Variants in APC observed in about 807,000 individuals in gnomAD.
APC encodes adenomatous polyposis coli protein.
A neutral mutation model predicts 247.0 loss-of-function variants in APC; 72 were observed. The ratio of observed to expected loss-of-function variants is 0.29; its 90% CI spans 0.24 to 0.35. The LOEUF (loss-of-function observed/expected upper bound fraction) is 0.35, where lower values mean the gene tolerates loss of function less well. Ranked by LOEUF, APC falls within the 10% of genes least tolerant of loss-of-function variation. APC has a pLI of 1.00. For missense variants in APC, 3,400 were observed against 3,360.7 expected, an observed-to-expected ratio of 1.01 and a Z score of -0.29; for synonymous variants, 1,254 against 1,162.5, an observed-to-expected ratio of 1.08 and a Z score of -1.60.
intron 14 of APC, among the ~76,000 whole-genome samples, chr5:112,834,310 C>T (rs551045837): frequency 3.4e-5 from 5 of 146,528 alleles, no homozygotes; most frequent in Admixed American, 1.4e-4. Context: ...GTTGCAGTCT[C>T]GGCTCACTGC....
chr5:112,820,897 A>G (rs145818531), intron 10 of APC, among the ~76,000 whole-genome samples: 78 of 152,174 alleles, frequency 5.1e-4, no homozygotes, highest in African/African-American at 1.7e-3. Flanking sequence ...GGTCTCACAC[A>G]AGCGCCCAGA....
intron 15 of APC, among the ~76,000 whole-genome samples, chr5:112,836,668 T>C (rs1164750712): frequency 6.6e-6 from 1 of 152,198 alleles, no homozygotes; most frequent in Non-Finnish European, 1.5e-5. Flanking sequence ...TTTTTAAAAA[T>C]AATAAGCACA....
chr5:112,803,820 C>G (rs1761089015), intron 8 of APC, among the ~76,000 whole-genome samples: 1 of 152,076 alleles, frequency 6.6e-6, no homozygotes, highest in Non-Finnish European at 1.5e-5. Context: ...TAATTTTTAG[C>G]CTTCAATTGT....
In APC at chr5:112,759,356, C is replaced by CTT. The variant is rs887438895; in HGVS notation, c.135+4350_135+4351dup. Among the ~76,000 whole-genome samples, 436 of 122,312 alleles carry CTT rather than the reference C, an allele frequency of 3.6e-3. 4 individuals are homozygous for CTT. The highest frequency in any genetic ancestry group is 7.5e-3 in the African/African-American group (229 of 30,706). The allele number at this position is 122,312 out of a possible 152,430, so 80.2% of individuals were successfully genotyped here. On this transcript the variant is annotated intron_variant, in intron 2 of 15. Coordinates refer to ENST00000257430, the MANE Select transcript of APC (RefSeq NM_000038.6). ...AATAATTTTCTTTCTTTCTTTCTTTCTTTTTTTTTTTTTTTTTTTTGAGAC... is the reference window on the plus strand; with the variant it reads ...AATAATTTTCTTTCTTTCTTTCTTTCTTTTTTTTTTTTTTTTTTTTTTGAGAC...
rs906047382 is a variant in APC, at chr5:112,845,500, G to A, written c.*1374G>A. 4.3e-6 allele frequency: 1 copy of A among 233,104 alleles called. No homozygotes were observed. Among genetic ancestry groups the A allele is most frequent in the Non-Finnish European group, 8.5e-6 (1 of 117,770 alleles). The allele number at this position is 233,104 out of a possible 1,614,324, so 14.4% of individuals were successfully genotyped here. Reference sequence around the variant, plus strand: ...ACTTTTTATCACCCTGTATGTTAGGGCAAGATCTCAGCAGTGAAGTATAAT... The same window carrying A: ...ACTTTTTATCACCCTGTATGTTAGGACAAGATCTCAGCAGTGAAGTATAAT... On this transcript the variant is annotated 3_prime_UTR_variant, in exon 16 of 16. Transcript: ENST00000257430.
In APC at chr5:112,840,817, C is replaced by T. The variant is rs2149935083; in HGVS notation, c.5223C>T (p.Phe1741=). 6.2e-7 allele frequency: 1 copy of T among 1,614,100 alleles called. No homozygotes were observed. Among genetic ancestry groups the T allele is most frequent in the Non-Finnish European group, 8.5e-7 (1 of 1,179,996 alleles). ...CCAAAGGGAAAAGTCACAAGCCTTT[C>T]CGTGTGAAAAAGATAATGGACCAGG... ...AMPKGKSHKP[F]RVKKIMDQVQ... Residue 1741 remains phenylalanine (F), a synonymous_variant, in exon 16 of 16, where the codon TTC becomes TTT. Coordinates refer to ENST00000257430, the MANE Select transcript of APC (RefSeq NM_000038.6). The surrounding 1 kb of genome is among the most constrained non-coding windows in gnomAD (Gnocchi z 4.1).
At chr5:112,808,781 A>G (rs890677361) in intron 8 of APC, among the ~76,000 whole-genome samples, 4 of 152,082 alleles carry the variant, frequency 2.6e-5, no homozygotes. Context: ...ATACTTCAAC[A>G]TGTTTCTTTA....
chr5:112,747,412 G>A (rs1484596365), intron 1 of APC, among the ~76,000 whole-genome samples: 1 of 152,136 alleles, frequency 6.6e-6, no homozygotes, highest in Non-Finnish European at 1.5e-5. Context: ...AAAAGAAATG[G>A]TTTGTTTAAT....
chr5:112,769,964 G>T (rs1004073177), intron 4 of APC, among the ~76,000 whole-genome samples: 1 of 152,038 alleles, frequency 6.6e-6, no homozygotes, highest in African/African-American at 2.4e-5. Flanking sequence ...AGTGAACTTG[G>T]GTCCATAATC....
rs373428732 is a variant in APC, at chr5:112,838,221, G to C, written c.2627G>C (p.Arg876Pro). ...ATENPGTSSK[R>P]GLQISTTAAQ... ...GAAAATCCAGGAACTTCTTCAAAGC[G>C]AGGTTTGCAGATCTCCACCACTGCA... The change falls in exon 16 of 16, where the codon CGA (arginine) becomes CCA (proline). Residue 876 changes from arginine to proline, a missense_variant. Coordinates refer to ENST00000257430, the MANE Select transcript of APC (RefSeq NM_000038.6). 3 of 1,614,100 alleles carry C rather than the reference G, an allele frequency of 1.9e-6. No individual in the cohort carries two copies. Among genetic ancestry groups the C allele is most frequent in the Non-Finnish European group, 2.5e-6 (3 of 1,180,016 alleles).
intron 1 of APC, among the ~76,000 whole-genome samples, chr5:112,754,143 T>G (rs536170101): frequency 2.0e-4 from 30 of 152,346 alleles, no homozygotes; most frequent in Non-Finnish European, 3.4e-4. Context: ...TTTAGGTATC[T>G]TTTGGCCTCA....
rs892529686 is a variant in APC, at chr5:112,845,589, T to C, written c.*1463T>C. ...AACTTTAGAGGTAGATTTAATACGA[T>C]TAAGATATTCAGAAGTATATTTTAG... On this transcript the variant is annotated 3_prime_UTR_variant, in exon 16 of 16. Coordinates refer to ENST00000257430, the MANE Select transcript of APC (RefSeq NM_000038.6). The C allele has an allele frequency of 8.6e-6, 2 of 232,630 alleles. No homozygotes were observed. The highest frequency in any genetic ancestry group is 8.5e-6 in the Non-Finnish European group (1 of 117,546). The allele number at this position is 232,630 out of a possible 1,614,324, so 14.4% of individuals were successfully genotyped here.
In APC at chr5:112,841,684, T is replaced by C. The variant is rs786203943; in HGVS notation, c.6090T>C (p.Leu2030=). Residue 2030 remains leucine (L), a synonymous_variant, in exon 16 of 16, where the codon CTT becomes CTC. Coordinates refer to ENST00000257430, the MANE Select transcript of APC (RefSeq NM_000038.6). The surrounding 1 kb of genome is among the most constrained non-coding windows in gnomAD (Gnocchi z 4.6). ...CFSRNSSLSS[L]SIDSEDDLLQ... ...CAAGAAACAGTTCTCTCAGTTCTCT[T>C]AGTATTGACTCTGAAGATGACCTGT... 2.5e-6 allele frequency: 4 copies of C among 1,613,768 alleles called. No individual in the cohort carries two copies. The highest frequency in any genetic ancestry group is 1.3e-5 in the African/African-American group (1 of 74,906).
At position 112,792,491 on chromosome 5, in the gene APC, A is replaced by G. The variant is rs2149684491; in HGVS notation, c.691A>G (p.Ile231Val). ...GCAAATCGAAAAGGACATACTTCGT[A>G]TACGACAGCTTTTACAGTCCCAAGC... ...IQQIEKDILR[I>V]RQLLQSQATE... The change falls in exon 7 of 16, where the codon ATA becomes GTA. Residue 231 changes from isoleucine to valine, a missense_variant. By Grantham distance (29) the Ile-to-Val change is conservative. This residue lies in a region of APC where 372 missense variants were observed against 367.6 expected (regional missense o/e 1.01). Transcript: ENST00000257430. The G allele has an allele frequency of 3.1e-6, 5 of 1,612,826 alleles. No homozygotes were observed. Among genetic ancestry groups the G allele is most frequent in the Non-Finnish European group, 4.2e-6 (5 of 1,179,248 alleles).
chr5:112,835,906 C>T (rs977336086), intron 15 of APC, among the ~76,000 whole-genome samples: 2 of 151,230 alleles, frequency 1.3e-5, no homozygotes, highest in Admixed American at 1.3e-4. Context: ...AACAGCCATT[C>T]ATCCAATCTG....
chr5:112,840,151 T>C lies in APC; in HGVS notation c.4557T>C (p.Asp1519=), dbSNP rs2149917506. The change falls in exon 16 of 16, where the codon GAT becomes GAC. Residue 1519 remains aspartate, a synonymous_variant. Coordinates refer to ENST00000257430, the MANE Select transcript of APC (RefSeq NM_000038.6). This position sits in a 1 kb window ranked among gnomAD's most constrained non-coding sequence, Gnocchi z 4.1. ...LSLDEPFIQK[D]VELRIMPPVQ... ...TCGATGAGCCATTTATACAGAAAGA[T>C]GTGGAATTAAGAATAATGCCTCCAG... is the stretch of plus-strand genomic sequence containing the variant. The C allele has an allele frequency of 6.2e-7, 1 of 1,614,086 alleles. No homozygotes were observed. The highest frequency in any genetic ancestry group is 1.3e-5 in the African/African-American group (1 of 74,998).
chr5:112,715,122 G>A (rs1046788965), intron 1 of APC, among the ~76,000 whole-genome samples: 1 of 152,178 alleles, frequency 6.6e-6, no homozygotes, highest in Non-Finnish European at 1.5e-5. Context: ...TTATAATAGA[G>A]TATGAATTCG....
At chr5:112,731,336 T>G (rs1302151629) in intron 1 of APC, among the ~76,000 whole-genome samples, 2 of 152,136 alleles carry the variant, frequency 1.3e-5, no homozygotes, top group African/African-American at 2.4e-5. Context: ...GAACAGAAAT[T>G]TATTGGTTCA....
At chr5:112,707,986 C>T (rs1750625748) in intron 1 of APC, 5 of 1,164,352 alleles carry the variant, frequency 4.3e-6, no homozygotes, top group Non-Finnish European at 4.4e-6. Context: ...CTCTGTGGCT[C>T]TCTTCTCTCC....
Sources: gnomAD v4.1 joint callset for allele counts (sites outside exome capture counted in the v4.1 genomes callset) on GRCh38, gnomAD v4.1.1 for gene constraint, gnomAD v4.1.1 regional missense constraint, Gnocchi (gnomAD v3.1) non-coding constraint, MANE v1.5 for transcripts, NCBI Gene and HGNC (gene_info 2026-07-23, HGNC 2026-07-21) for gene names.